Variants in DOCK10 observed in about 807,000 individuals in gnomAD.
DOCK10 encodes dedicator of cytokinesis 10.
DOCK10 carries 145 observed loss-of-function variants against 280.1 expected under a neutral mutation model. The ratio of observed to expected loss-of-function variants is 0.52; its 90% CI spans 0.45 to 0.59. The LOEUF (loss-of-function observed/expected upper bound fraction) is 0.59, where lower values mean the gene tolerates loss of function less well. Ranked by LOEUF, DOCK10 falls within the 20% of genes least tolerant of loss-of-function variation. The probability of loss-of-function intolerance (pLI) is 0.00; values close to 1 mark genes in which losing one functional copy is unlikely to be tolerated. For synonymous variants in DOCK10, 915 were observed against 942.2 expected (o/e 0.97, Z 0.53); for missense variants, 2,368 against 2,651.7 (o/e 0.89, Z 2.35).
intron 1 of DOCK10, chr2:224,982,220 G>A: frequency 8.1e-7 from 1 of 1,231,810 alleles, no homozygotes; most frequent in Non-Finnish European, 1.0e-6. Flanking sequence ...TATGATGAGG[G>A]TTCTGGGTCT....
chr2:224,837,981 GC>G, intron 24 of DOCK10, 150 bp from the exon 25 acceptor site: 1 of 675,352 alleles, frequency 1.5e-6, no homozygotes, highest in Non-Finnish European at 2.7e-6. Context: ...GCCCTCCTCA[GC>G]CCCATATCCA....
intron 1 of DOCK10, among the ~76,000 whole-genome samples, chr2:224,985,682 C>T (rs948027689): frequency 3.3e-5 from 5 of 151,146 alleles, no homozygotes; most frequent in African/African-American, 4.9e-5. Context: ...CCACCAAAAT[C>T]GTACTGAATC....
intron 1 of DOCK10, among the ~76,000 whole-genome samples, chr2:225,000,017 A>G (rs922545007): frequency 1.3e-5 from 2 of 152,184 alleles, no homozygotes; most frequent in African/African-American, 2.4e-5. Context: ...TGAATTGGCA[A>G]ATGACCTTCA....
intron 1 of DOCK10, among the ~76,000 whole-genome samples, chr2:225,038,135 T>C (rs1575180024): frequency 6.6e-6 from 1 of 152,338 alleles, no homozygotes; most frequent in East Asian, 1.9e-4. Flanking sequence ...GTGCTGTGAA[T>C]GCTAAACAAC....
rs71281764 is a variant in DOCK10 at position 224,960,730 on chromosome 2, C to CTTTTTTTTTTTT, written c.124-29074_124-29063dup. On this transcript the variant is annotated intron_variant, in intron 1 of 55. Transcript: ENST00000258390. Reference sequence around the variant, plus strand: ...TGCACAATGAACGCATCACCAAATTCTTTTTTTTTTTTTTTTTTTTTTTTT... The same window carrying CTTTTTTTTTTTT: ...TGCACAATGAACGCATCACCAAATTCTTTTTTTTTTTTTTTTTTTTTTTTTTTTTTTTTTTTT... 1.1e-4 allele frequency among the ~76,000 whole-genome samples: 8 copies of CTTTTTTTTTTTT among 70,254 alleles called. 2 individuals carry two copies. Among genetic ancestry groups the CTTTTTTTTTTTT allele is most frequent in the African/African-American group, 2.7e-4 (5 of 18,468 alleles). The allele number at this position is 70,254 out of a possible 152,430, so 46.1% of individuals were successfully genotyped here.
At chr2:224,905,972 G>C (rs1185492215) in intron 3 of DOCK10, among the ~76,000 whole-genome samples, 1 of 151,990 alleles carries the variant, frequency 6.6e-6, no homozygotes, top group Non-Finnish European at 1.5e-5. Context: ...ACTTTCCTGT[G>C]CTCCAGACCT....
At chr2:225,003,863 A>G (rs981975835) in intron 1 of DOCK10, among the ~76,000 whole-genome samples, 4 of 152,282 alleles carry the variant, frequency 2.6e-5, no homozygotes, top group African/African-American at 9.6e-5. Flanking sequence ...TTCAGTGGCA[A>G]TTGGAGTTTT....
intron 31 of DOCK10, among the ~76,000 whole-genome samples, chr2:224,812,005 T>C: frequency 6.6e-6 from 1 of 152,162 alleles, no homozygotes; most frequent in East Asian, 1.9e-4. Context: ...TAAAGTAGTT[T>C]TTTCCAATTC....
intron 14 of DOCK10, among the ~76,000 whole-genome samples, chr2:224,859,671 A>C (rs990931402): frequency 2.0e-5 from 3 of 152,222 alleles, no homozygotes; most frequent in Non-Finnish European, 4.4e-5. Context: ...TACTCTTCTA[A>C]TGACAGTTGA....
At chr2:224,856,782 A>C in intron 15 of DOCK10, 78 bp downstream of exon 15, 3 of 1,340,220 alleles carry the variant, frequency 2.2e-6, no homozygotes, top group Non-Finnish European at 3.0e-6. Flanking sequence ...CGAGAATGAG[A>C]TCCTCAGGTA....
intron 2 of DOCK10, among the ~76,000 whole-genome samples, chr2:224,920,763 T>A (rs961974972): frequency 5.3e-5 from 8 of 152,022 alleles, no homozygotes; most frequent in Non-Finnish European, 1.2e-4. Context: ...TCCATTGCTT[T>A]CTTGACTTTT....
chr2:224,967,118 C>T (rs1271858509), intron 1 of DOCK10, among the ~76,000 whole-genome samples: 2 of 147,088 alleles, frequency 1.4e-5, no homozygotes, highest in Non-Finnish European at 1.5e-5. Flanking sequence ...CTCGCTCTGT[C>T]GCCCAGGCTG....
Position 224,849,506 on chromosome 2 carries a change from C to G in DOCK10, c.2235+1G>C. 1.9e-6 allele frequency: 3 copies of G among 1,608,042 alleles called. No individual in the cohort carries two copies. Among genetic ancestry groups the G allele is most frequent in the Non-Finnish European group, 2.5e-6 (3 of 1,176,804 alleles). On this transcript the variant is annotated splice_donor_variant, in intron 19 of 55. Coordinates refer to ENST00000258390, the MANE Select transcript of DOCK10 (RefSeq NM_014689.3). LOFTEE classifies it high-confidence loss of function. ...GGGGGCAGTGGAGGGCTAGCTCTTA[C>G]CTCATCTGAGAAATCCGGATTCTGA...
chr2:224,806,053 A>G, intron 34 of DOCK10, 73 bp downstream of exon 34: 1 of 872,452 alleles, frequency 1.1e-6, no homozygotes, highest in African/African-American at 1.8e-5. Context: ...CGGACTGAGT[A>G]AAAAGCACAA....
At chr2:224,896,075 A>G (rs1267913433) in intron 4 of DOCK10, among the ~76,000 whole-genome samples, 1 of 152,224 alleles carries the variant, frequency 6.6e-6, no homozygotes, top group Non-Finnish European at 1.5e-5. Context: ...ACATTAAAAA[A>G]TTAAATCAGA....
chr2:225,037,375 G>A (rs1320716460), intron 1 of DOCK10, among the ~76,000 whole-genome samples: 1 of 152,168 alleles, frequency 6.6e-6, no homozygotes, highest in Non-Finnish European at 1.5e-5. Flanking sequence ...GTACTCTGAA[G>A]CACTAGTGGG....
rs3083079 is a variant in DOCK10 at position 224,826,739 on chromosome 2, T to TTATC, written c.3037-3096_3037-3093dup. On this transcript the variant is annotated intron_variant, in intron 27 of 55. Transcript: ENST00000258390. ...CCCCATCTTTACTAAATATATATAA[T>TTATC]TATCTATCTATCTATCTATCTATCT... Among the ~76,000 whole-genome samples, 510 of 145,284 alleles carry TTATC rather than the reference T, an allele frequency of 3.5e-3. 2 individuals are homozygous for TTATC. Among genetic ancestry groups the TTATC allele is most frequent in the Middle Eastern group, 7.0e-3 (2 of 284 alleles).
intron 15 of DOCK10, among the ~76,000 whole-genome samples, chr2:224,856,175 G>A (rs576945857): frequency 6.6e-6 from 1 of 152,320 alleles, no homozygotes; most frequent in Admixed American, 6.5e-5. Flanking sequence ...AGGCCATAAA[G>A]TGTGAGGCTG....
chr2:225,020,699 AAAC>A (rs1689761455), intron 1 of DOCK10, among the ~76,000 whole-genome samples: 1 of 152,236 alleles, frequency 6.6e-6, no homozygotes, highest in Non-Finnish European at 1.5e-5. Context: ...AAGAAGAATG[AAAC>A]AACACTTGCC....
Sources: gnomAD v4.1 joint callset for allele counts (sites outside exome capture counted in the v4.1 genomes callset) on GRCh38, gnomAD v4.1.1 for gene constraint, MANE v1.5 for transcripts, NCBI Gene and HGNC (gene_info 2026-07-23, HGNC 2026-07-21) for gene names.